CDH12: variants seen among roughly 807,000 people sequenced by gnomAD.
The protein encoded by CDH12 is cadherin 12.
In CDH12, 41 loss-of-function variants were observed where a neutral mutation model predicts 74.1. The ratio of observed to expected loss-of-function variants is 0.55; its 90% confidence interval spans 0.43 to 0.72. The LOEUF is 0.72. CDH12 is among the 30% of genes least tolerant of loss of function. CDH12 has a pLI of 0.00. For missense variants in CDH12, 945 were observed against 977.2 expected, an observed-to-expected ratio of 0.97 and a Z score of 0.44; for synonymous variants, 399 against 355.0, an observed-to-expected ratio of 1.12 and a Z score of -1.39.
At chr5:22,822,622 A>C (rs1164455217) in intron 1 of CDH12, among the ~76,000 whole-genome samples, 1 of 152,226 alleles carries the variant, frequency 6.6e-6, no homozygotes, top group Non-Finnish European at 1.5e-5. Flanking sequence ...GCCAAAAAAC[A>C]CATGAAAAAA....
rs369692668 is a variant in CDH12, at chr5:21,916,993, C to T, written c.526+58098G>A. ...CTAGCACCTGGCTCTTAGGCAGTGG[C>T]AGTGCCTTTATCTTGCAGTTAGTGG... On this transcript the variant is annotated intron_variant, in intron 6 of 14. Transcript: ENST00000382254. 5.3e-4 allele frequency among the ~76,000 whole-genome samples: 80 copies of T among 152,308 alleles called. 2 individuals are homozygous for T. The South Asian group carries it at 0.014, about 27-fold the overall frequency.
At position 22,298,512 on chromosome 5, in the gene CDH12, T is replaced by C. The variant is rs372500164; in HGVS notation, c.-332-85869A>G. ...TACTCTCTTTCAATGATGGATTCTG[T>C]AGCAGAAGCTTTGAATGAACTCTAA... On this transcript the variant is annotated intron_variant, in intron 3 of 14. Coordinates refer to ENST00000382254, the MANE Select transcript of CDH12 (RefSeq NM_004061.5). Among the ~76,000 whole-genome samples, 17 of 149,956 alleles carry C rather than the reference T, an allele frequency of 1.1e-4. 1 individual carries two copies. In the East Asian group the frequency reaches 1.2e-3, roughly 10 times the overall value.
At chr5:22,577,513 C>T (rs999246421) in intron 1 of CDH12, among the ~76,000 whole-genome samples, 1 of 152,092 alleles carries the variant, frequency 6.6e-6, no homozygotes, top group African/African-American at 2.4e-5. Flanking sequence ...CTAATAACTT[C>T]CTACATCATA....
At position 21,833,288 on chromosome 5, in the gene CDH12, C is replaced by CATATAATATATATTATATGTTATATAAT. The variant is rs1561225652; in HGVS notation, c.814+8872_814+8873insATTATATAACATATAATATATATTATAT. 1.8e-4 allele frequency among the ~76,000 whole-genome samples: 7 copies of CATATAATATATATTATATGTTATATAAT among 38,340 alleles called. 3 individuals carry two copies. Among genetic ancestry groups the CATATAATATATATTATATGTTATATAAT allele is most frequent in the Admixed American group, 9.6e-4 (2 of 2,084 alleles). The allele number at this position is 38,340 out of a possible 152,430, so 25.2% of individuals were successfully genotyped here. A position where few individuals can be genotyped will look rare whatever the true frequency, so the allele number is the denominator to read the frequency against. ...ATAATATATATTATATGTTATATAACATATAATATATATTATATGTTATAT... is the reference window on the plus strand; with the variant it reads ...ATAATATATATTATATGTTATATAACATATAATATATATTATATGTTATATAATATATAATATATATTATATGTTATAT... On this transcript the variant is annotated intron_variant, in intron 8 of 14. Transcript: ENST00000382254.
intron 1 of CDH12, among the ~76,000 whole-genome samples, chr5:22,836,749 G>A (rs1019994440): frequency 6.6e-6 from 1 of 152,038 alleles, no homozygotes; most frequent in East Asian, 1.9e-4. Flanking sequence ...CCATTACAGC[G>A]AATTCTGAAA....
intron 6 of CDH12, among the ~76,000 whole-genome samples, chr5:21,875,090 G>A (rs900436410): frequency 1.3e-4 from 20 of 152,300 alleles, no homozygotes; most frequent in African/African-American, 4.6e-4. Flanking sequence ...AGGTCCTGTT[G>A]AGGTTGCAGA....
intron 3 of CDH12, among the ~76,000 whole-genome samples, chr5:22,387,269 TTA>T (rs1491221418): frequency 4.0e-5 from 6 of 151,758 alleles, no homozygotes; most frequent in Non-Finnish European, 8.8e-5. Flanking sequence ...ATTACAATTT[TTA>T]AAAAAAATTT....
intron 4 of CDH12, among the ~76,000 whole-genome samples, chr5:22,155,157 C>G (rs969811900): frequency 6.6e-6 from 1 of 152,110 alleles, no homozygotes; most frequent in Non-Finnish European, 1.5e-5. Context: ...TTCAACTAGA[C>G]AAACTCTCTG....
In CDH12 at chr5:22,210,771, G is replaced by A. The variant is rs529713710; in HGVS notation, c.-187+1727C>T. On this transcript the variant is annotated intron_variant, in intron 4 of 14. Coordinates refer to ENST00000382254, the MANE Select transcript of CDH12 (RefSeq NM_004061.5). ...GATGTTTTCAGCGACATGCAAGTTC[G>A]CTAGTAGCAAGTGTGTGTCCCTGTT... 4.0e-5 allele frequency among the ~76,000 whole-genome samples: 6 copies of A among 151,660 alleles called. No homozygotes were observed. In the South Asian group the frequency reaches 1.3e-3, roughly 32 times the overall value.
intron 8 of CDH12, among the ~76,000 whole-genome samples, chr5:21,833,217 TTA>T (rs1387296531): frequency 2.5e-5 from 1 of 40,282 alleles, no homozygotes; most frequent in Non-Finnish European, 3.5e-5. Flanking sequence ...ATAATATATA[TTA>T]TATGTTATAT....
In CDH12 at chr5:22,533,275, T is replaced by C. The variant is rs952210443; in HGVS notation, c.-522-27911A>G. On this transcript the variant is annotated intron_variant, in intron 1 of 14. Transcript: ENST00000382254. Reference sequence around the variant, plus strand: ...CACAAGAGAGCCCCTGCCTAATAAATAGTTACCTGAACAAAATGATCAATA... The same window carrying C: ...CACAAGAGAGCCCCTGCCTAATAAACAGTTACCTGAACAAAATGATCAATA... 2.5e-4 allele frequency among the ~76,000 whole-genome samples: 38 copies of C among 152,148 alleles called. 1 individual carries two copies. The highest frequency in any genetic ancestry group is 1.3e-4 in the Non-Finnish European group (9 of 68,024).
chr5:21,752,623 A>T (rs1302777738), intron 14 of CDH12, among the ~76,000 whole-genome samples: 3 of 152,302 alleles, frequency 2.0e-5, no homozygotes, highest in South Asian at 4.1e-4. Flanking sequence ...CTAACTTCCC[A>T]ATTGGAACAT....
intron 3 of CDH12, among the ~76,000 whole-genome samples, chr5:22,304,755 T>A (rs979724907): frequency 6.6e-6 from 1 of 152,170 alleles, no homozygotes; most frequent in Admixed American, 6.5e-5. Flanking sequence ...AGAAAGTCCA[T>A]GAAAACATAA....
chr5:22,699,711 A>G (rs1293333411), intron 1 of CDH12, among the ~76,000 whole-genome samples: 1 of 152,220 alleles, frequency 6.6e-6, no homozygotes, highest in Non-Finnish European at 1.5e-5. Flanking sequence ...AAGGTGTTAT[A>G]AGACATAAAA....
chr5:22,095,748 C>A (rs565222083), intron 4 of CDH12, among the ~76,000 whole-genome samples: 1 of 151,682 alleles, frequency 6.6e-6, no homozygotes, highest in Admixed American at 6.6e-5. Context: ...CACACCCCGA[C>A]CCCTTATCTC....
intron 5 of CDH12, among the ~76,000 whole-genome samples, chr5:22,024,564 G>T (rs1171020782): frequency 6.6e-6 from 1 of 152,052 alleles, no homozygotes; most frequent in Non-Finnish European, 1.5e-5. Flanking sequence ...CCAGGCTGGA[G>T]TACAGTGGTG....
intron 5 of CDH12, among the ~76,000 whole-genome samples, chr5:22,043,118 C>CA (rs1390270772): frequency 6.6e-6 from 1 of 151,758 alleles, no homozygotes; most frequent in African/African-American, 2.4e-5. Flanking sequence ...AACCTGATAC[C>CA]AAAACAAGAT....
chr5:22,245,726 C>T (rs961390047), intron 3 of CDH12, among the ~76,000 whole-genome samples: 13 of 151,754 alleles, frequency 8.6e-5, no homozygotes, highest in African/African-American at 2.9e-4. Flanking sequence ...TGGAGGAAGT[C>T]TTTCATTTTG....
intron 3 of CDH12, among the ~76,000 whole-genome samples, chr5:22,262,524 A>G (rs1464824409): frequency 1.3e-5 from 2 of 151,322 alleles, no homozygotes; most frequent in Non-Finnish European, 2.9e-5. Flanking sequence ...ATTGTTGGAC[A>G]TTTGGGTTGG....
Sources: allele counts gnomAD v4.1 joint callset (sites outside exome capture counted in the v4.1 genomes callset), GRCh38; gene constraint gnomAD v4.1.1; transcripts MANE v1.5; gene names NCBI Gene and HGNC (gene_info 2026-07-23, HGNC 2026-07-21).